MEI4: variants seen among roughly 807,000 people sequenced by gnomAD.
The protein encoded by MEI4 is meiotic double-stranded break formation protein 4, also known as meiosis-specific protein MEI4.
MEI4 carries 27 observed loss-of-function variants against 31.4 expected under a neutral mutation model. That is an observed-to-expected ratio of 0.86 (90% confidence interval 0.63 to 1.19). The LOEUF (loss-of-function observed/expected upper bound fraction) is 1.19. Ranked by LOEUF, MEI4 falls within the 50% of genes most tolerant of loss-of-function variation. MEI4 has a pLI of 0.00. For missense variants in MEI4, 329 were observed against 398.9 expected, an observed-to-expected ratio of 0.82 and a Z score of 1.49; for synonymous variants, 122 against 145.4, an observed-to-expected ratio of 0.84 and a Z score of 1.16.
rs1212808763 is a variant in MEI4, at chr6:77,924,070, ATT to A, written c.*727_*728del. On this transcript the variant is annotated 3_prime_UTR_variant, in exon 5 of 5. Transcript: ENST00000684080. ...AGTATACAATTAAGTCACTAGACAT[ATT>A]TTATAAATTCTAATATCCATCTAAA... 6.6e-6 allele frequency: 1 copy of A among 151,786 alleles called. No individual in the cohort carries two copies. The highest frequency in any genetic ancestry group is 1.5e-5 in the Non-Finnish European group (1 of 67,826). 9.4% of individuals were successfully genotyped at this position (151,786 alleles called of 1,614,324 possible).
intron 2 of MEI4, among the ~76,000 whole-genome samples, chr6:77,699,259 G>A (rs1310073491): frequency 3.6e-5 from 5 of 139,944 alleles, no homozygotes; most frequent in East Asian, 4.4e-4. Context: ...GCGGGATCTC[G>A]GCTCACTGCA....
chr6:77,733,147 G>A (rs1767063107), intron 2 of MEI4, among the ~76,000 whole-genome samples: 1 of 151,868 alleles, frequency 6.6e-6, no homozygotes, highest in African/African-American at 2.4e-5. Context: ...TTCATAAAAT[G>A]AGTTAGGGAG....
At chr6:77,883,717 G>GATAGATAGATATATAT (rs1554172067) in intron 4 of MEI4, among the ~76,000 whole-genome samples, 11 of 43,336 alleles carry the variant, frequency 2.5e-4, no homozygotes, top group Admixed American at 1.8e-3. Context: ...TATTATGTAA[G>GATAGATAGATATATAT]ATATATATAT....
intron 3 of MEI4, among the ~76,000 whole-genome samples, chr6:77,810,525 AG>A (rs1769551934): frequency 6.6e-6 from 1 of 152,200 alleles, no homozygotes; most frequent in African/African-American, 2.4e-5. Context: ...GAAAACAAAA[AG>A]TAAAGGCAAT....
intron 2 of MEI4, among the ~76,000 whole-genome samples, chr6:77,705,598 G>A (rs1336458585): frequency 1.3e-5 from 2 of 152,172 alleles, no homozygotes; most frequent in East Asian, 3.9e-4. Context: ...AACCAGCAGA[G>A]AAGTATAGTG....
At chr6:77,699,472 G>A (rs569364405) in intron 2 of MEI4, among the ~76,000 whole-genome samples, 5 of 152,224 alleles carry the variant, frequency 3.3e-5, no homozygotes, top group South Asian at 2.1e-4. Context: ...GATTACAGGC[G>A]TGAGCCACCG....
At chr6:77,778,022 G>T (rs1434457792) in intron 3 of MEI4, among the ~76,000 whole-genome samples, 1 of 151,554 alleles carries the variant, frequency 6.6e-6, no homozygotes, top group Non-Finnish European at 1.5e-5. Context: ...AAATGGAAAA[G>T]ATACATAGTA....
At position 77,797,618 on chromosome 6, in the gene MEI4, G is replaced by A. The variant is rs189729182; in HGVS notation, c.769-31313G>A. Among the ~76,000 whole-genome samples, 6 of 152,230 alleles carry A rather than the reference G, an allele frequency of 3.9e-5. No homozygotes were observed. The East Asian group carries it at 7.7e-4, about 20-fold the overall frequency. On this transcript the variant is annotated intron_variant, in intron 3 of 4. Transcript: ENST00000684080. ...GCAAACCACTGATGTAAATCCAGGA[G>A]TCCAAAGGTTGAAGAACTTGGAGTC...
At chr6:77,652,201 TAGAA>T (rs1437846797), upstream of MEI4, among the ~76,000 whole-genome samples, 1 of 152,168 alleles carries the variant, frequency 6.6e-6, no homozygotes. Flanking sequence ...AGAGATCAGT[TAGAA>T]GGCTGATACA....
chr6:77,828,973 G>A lies in MEI4; in HGVS notation c.811G>A (p.Gly271Arg). 1 of 1,232,166 alleles carries A rather than the reference G, an allele frequency of 8.1e-7. No individual in the cohort carries two copies. The highest frequency in any genetic ancestry group is 1.0e-6 in the Non-Finnish European group (1 of 987,896). The allele number at this position is 1,232,166 out of a possible 1,614,324, so 76.3% of individuals were successfully genotyped here. Reference sequence around the variant, plus strand: ...TGTCTCTCAGAGTCTGGTTACCTTGGGAAATTGCAGCTTGTTGAGAAAATC... The same window carrying A: ...TGTCTCTCAGAGTCTGGTTACCTTGAGAAATTGCAGCTTGTTGAGAAAATC... ...HYVSQSLVTL[G>R]NCSLLRKSII... Residue 271 changes from glycine to arginine, a missense_variant, in exon 4 of 5, where the codon GGA becomes AGA. Gly to Arg is a moderately radical substitution (Grantham distance 125, BLOSUM62 -2). Coordinates refer to ENST00000684080, the MANE Select transcript of MEI4 (RefSeq NM_001322247.2).
At chr6:77,676,909 G>T (rs183306343) in intron 1 of MEI4, among the ~76,000 whole-genome samples, 1 of 152,244 alleles carries the variant, frequency 6.6e-6, no homozygotes, top group Non-Finnish European at 1.5e-5. Flanking sequence ...AGTGTGGTAT[G>T]CTGTCACAAC....
At chr6:77,691,691 G>T (rs1424459764) in intron 2 of MEI4, among the ~76,000 whole-genome samples, 1 of 152,012 alleles carries the variant, frequency 6.6e-6, no homozygotes, top group Non-Finnish European at 1.5e-5. Context: ...ATATTTTACT[G>T]TATTGCTTAT....
chr6:77,889,924 A>T (rs1028938673), intron 4 of MEI4, among the ~76,000 whole-genome samples: 12 of 152,214 alleles, frequency 7.9e-5, no homozygotes, highest in African/African-American at 2.2e-4. Flanking sequence ...GGTTGGGCCT[A>T]TGGGTACACA....
intron 4 of MEI4, among the ~76,000 whole-genome samples, chr6:77,916,628 T>C (rs1202267214): frequency 6.6e-6 from 1 of 152,108 alleles, no homozygotes; most frequent in Non-Finnish European, 1.5e-5. Context: ...ACAATGTTTA[T>C]AGCATCTTAA....
chr6:77,733,317 T>C (rs562637816), intron 2 of MEI4, among the ~76,000 whole-genome samples: 1 of 152,214 alleles, frequency 6.6e-6, no homozygotes, highest in South Asian at 2.1e-4. Context: ...CTGTTATTGG[T>C]CTATTCAGAG....
chr6:77,916,011 G>A (rs1413054978), intron 4 of MEI4, among the ~76,000 whole-genome samples: 1 of 151,832 alleles, frequency 6.6e-6, no homozygotes, highest in African/African-American at 2.4e-5. Context: ...CTATTTTCAA[G>A]TTCTGGATTT....
chr6:77,817,324 C>G (rs1562000594), intron 3 of MEI4, among the ~76,000 whole-genome samples: 1 of 152,094 alleles, frequency 6.6e-6, no homozygotes, highest in Non-Finnish European at 1.5e-5. Flanking sequence ...GGTGAAGTTT[C>G]TTGAGTTGCG....
At chr6:77,798,344 T>G (rs1769140683) in intron 3 of MEI4, among the ~76,000 whole-genome samples, 1 of 151,444 alleles carries the variant, frequency 6.6e-6, no homozygotes, top group African/African-American at 2.4e-5. Context: ...AAATATTTGT[T>G]TAATAAATAC....
At chr6:77,874,278 C>A (rs1216029902) in intron 4 of MEI4, among the ~76,000 whole-genome samples, 1 of 152,120 alleles carries the variant, frequency 6.6e-6, no homozygotes, top group Non-Finnish European at 1.5e-5. Context: ...TCTTTTATTT[C>A]CTTGAGCAGT....
Sources: gnomAD v4.1 joint callset for allele counts (sites outside exome capture counted in the v4.1 genomes callset) on GRCh38, gnomAD v4.1.1 for gene constraint, MANE v1.5 for transcripts, NCBI Gene and HGNC (gene_info 2026-07-23, HGNC 2026-07-21) for gene names.